LRRC24: variants seen among roughly 807,000 people sequenced by gnomAD.
LRRC24 encodes the protein leucine rich repeat containing 24, also known as leucine-rich repeat-containing protein 24.
In LRRC24, 19 loss-of-function variants were observed where a neutral mutation model predicts 15.3. That is an observed-to-expected ratio of 1.25 (90% CI 0.87 to 1.83). The LOEUF is 1.83. LRRC24 is among the 40% of genes most tolerant of loss of function. The pLI is 0.00. For missense variants in LRRC24, 914 were observed against 723.9 expected (o/e 1.26, Z -3.01); for synonymous variants, 469 against 359.6 (o/e 1.30, Z -3.44).
intron 1 of LRRC24, 138 bp from the exon 2 acceptor site, chr8:144,525,171 G>T: frequency 1.9e-6 from 1 of 519,764 alleles, no homozygotes; most frequent in Non-Finnish European, 3.0e-6. Context: ...TTTCTCCTTT[G>T]ACAAAAACAT....
Position 144,524,920 on chromosome 8 carries a change from G to A in LRRC24, c.55C>T (p.Arg19Cys), listed in dbSNP as rs539958520. 3.3e-5 allele frequency: 50 copies of A among 1,513,628 alleles called. No individual in the cohort carries two copies. The Middle Eastern group carries it at 1.4e-3, about 42-fold the overall frequency. 93.8% of individuals were successfully genotyped at this position (1,513,628 alleles called of 1,614,324 possible). A position where few individuals can be genotyped will look rare whatever the true frequency, so the allele number is the denominator to read the frequency against. Residue 19 changes from arginine to cysteine, a missense_variant, in exon 2 of 5, where the codon CGC (arginine) becomes TGC (cysteine). Physicochemically the swap from Arg to Cys is radical, Grantham distance 180 (BLOSUM62 -3). Transcript: ENST00000529415. ...CAGGCTGCTGGGCAGCCGGCGGCGCGGAGCGGCAGTAGTAGCAGCAGCAGC... is the reference window on the plus strand; with the variant it reads ...CAGGCTGCTGGGCAGCCGGCGGCGCAGAGCGGCAGTAGTAGCAGCAGCAGC... ...LPLLLLLLPL[R>C]AAGCPAACRC... is the part of the protein sequence containing the mutation.
chr8:144,524,932 G>C lies in LRRC24; in HGVS notation c.43C>G (p.Leu15Val). ...CAGCCGGCGGCGCGGAGCGGCAGTA[G>C]TAGCAGCAGCAGCGGCAGCAGTGCG... ...APALLPLLLL[L>V]LPLRAAGCPA... Residue 15 changes from leucine to valine, a missense_variant, in exon 2 of 5, where the codon CTA (leucine) becomes GTA (valine). Physicochemically the swap from Leu to Val is conservative, Grantham distance 32 (BLOSUM62 1). Coordinates refer to ENST00000529415, the MANE Select transcript of LRRC24 (RefSeq NM_001024678.4). 1 of 1,511,790 alleles carries C rather than the reference G, an allele frequency of 6.6e-7. No individual in the cohort carries two copies. Among genetic ancestry groups the C allele is most frequent in the Middle Eastern group, 2.3e-4 (1 of 4,286 alleles). 93.6% of individuals were successfully genotyped at this position (1,511,790 alleles called of 1,614,324 possible).
rs759721869 is a variant in LRRC24 at position 144,523,141 on chromosome 8, G to A, written c.876C>T (p.Thr292=). 12 of 1,610,806 alleles carry A rather than the reference G, an allele frequency of 7.4e-6. No individual in the cohort carries two copies. The highest frequency in any genetic ancestry group is 1.0e-5 in the Non-Finnish European group (12 of 1,179,474). ...QASGYPQPLV[T]WRKVPQPREG... is the part of the protein sequence containing the mutation. ...CGCGAGGCTGGGGCACCTTTCTCCA[G>A]GTCACCAATGGCTGCGGGTAGCCGG... The change falls in exon 5 of 5, where the codon ACC becomes ACT. Residue 292 remains threonine, a synonymous_variant. Coordinates refer to ENST00000529415, the MANE Select transcript of LRRC24 (RefSeq NM_001024678.4).
chr8:144,522,687 G>C lies in LRRC24; in HGVS notation c.1330C>G (p.Leu444Val), dbSNP rs2130786447. Reference protein sequence around the residue: ...KARGPPGEGALFVNDYLDGPC... With the variant: ...KARGPPGEGAVFVNDYLDGPC... Reference sequence around the variant, plus strand: ...CCGTCCAAGTAGTCGTTGACGAACAGCGCTCCCTCCCCCGGAGGCCCCCGC... The same window carrying C: ...CCGTCCAAGTAGTCGTTGACGAACACCGCTCCCTCCCCCGGAGGCCCCCGC... The change falls in exon 5 of 5, where the codon CTG becomes GTG. Residue 444 changes from leucine to valine, a missense_variant. Transcript: ENST00000529415. The C allele has an allele frequency of 6.3e-7, 1 of 1,596,630 alleles. No homozygotes were observed. The highest frequency in any genetic ancestry group is 1.1e-5 in the South Asian group (1 of 88,846).
intron 4 of LRRC24, chr8:144,523,701 G>A: frequency 2.4e-6 from 1 of 423,514 alleles, no homozygotes; most frequent in East Asian, 3.7e-5. Flanking sequence ...AAGTGCCACT[G>A]TTTTTAGGAA....
chr8:144,522,920 C>G lies in LRRC24; in HGVS notation c.1097G>C (p.Arg366Pro). 2 of 1,457,972 alleles carry G rather than the reference C, an allele frequency of 1.4e-6. No homozygotes were observed. The highest frequency in any genetic ancestry group is 1.8e-6 in the Non-Finnish European group (2 of 1,112,862). The allele number at this position is 1,457,972 out of a possible 1,614,324, so 90.3% of individuals were successfully genotyped here. The change falls in exon 5 of 5, where the codon CGG (arginine) becomes CCG (proline). Residue 366 changes from arginine to proline, a missense_variant. Arg to Pro is a moderately radical substitution (Grantham distance 103). Transcript: ENST00000529415. ...TTGCGCGGGCTGCTGCGGCTGCTGC[C>G]GGGACGCGTTGACCAGGAGCCGGAA... The part of the protein sequence containing the change: ...VPFRLLVNAS[R>P]QQPQQPAQPP...
intron 4 of LRRC24, 179 bp downstream of exon 4, chr8:144,523,931 G>T: frequency 2.8e-6 from 2 of 702,532 alleles, no homozygotes; most frequent in Non-Finnish European, 4.8e-6. Context: ...CAGGCAGGGT[G>T]CCTGAGCTGT....
At chr8:144,523,577 G>C in intron 4 of LRRC24, 168 bp from the exon 5 acceptor site, 2 of 1,112,256 alleles carry the variant, frequency 1.8e-6, no homozygotes, top group Non-Finnish European at 2.4e-6. Flanking sequence ...TCCTTGGGGC[G>C]GCAGGCCCTT....
chr8:144,524,613 A>C lies in LRRC24; in HGVS notation c.266T>G (p.Leu89Arg). The C allele has an allele frequency of 6.6e-7, 1 of 1,523,874 alleles. No individual in the cohort carries two copies. Among genetic ancestry groups the C allele is most frequent in the Non-Finnish European group, 8.7e-7 (1 of 1,143,934 alleles). 94.4% of individuals were successfully genotyped at this position (1,523,874 alleles called of 1,614,324 possible). ...CTGCGCGCGGAAGGCGCCGGCCTCC[A>C]GGGCGCGCAGGCTGTTGTTGTGCAG... ...LYLHNNSLRA[L>R]EAGAFRAQPR... The change falls in exon 3 of 5, where the codon CTG becomes CGG. Residue 89 changes from leucine (L) to arginine (R), a missense_variant. Physicochemically the swap from Leu to Arg is moderately radical, Grantham distance 102. Transcript: ENST00000529415.
Position 144,523,062 on chromosome 8 carries a change from C to T in LRRC24, c.955G>A (p.Gly319Arg), listed in dbSNP as rs775173632. The change falls in exon 5 of 5, where the codon GGA (glycine) becomes AGA (arginine). Residue 319 changes from glycine to arginine, a missense_variant. Coordinates refer to ENST00000529415, the MANE Select transcript of LRRC24 (RefSeq NM_001024678.4). ...CTGCCCGTGTCGGATGCCGAGTGTCCGCCCAGGCCCAGCAACCCGCCTTCT... is the reference window on the plus strand; with the variant it reads ...CTGCCCGTGTCGGATGCCGAGTGTCTGCCCAGGCCCAGCAACCCGCCTTCT... ...QLEGGLLGLGGHSASDTGSGM... is the reference protein window; with the variant it reads ...QLEGGLLGLGRHSASDTGSGM... The T allele has an allele frequency of 2.2e-5, 35 of 1,604,068 alleles. No individual in the cohort carries two copies. The highest frequency in any genetic ancestry group is 2.2e-5 in the Non-Finnish European group (26 of 1,177,358).
In LRRC24 at chr8:144,523,322, C is replaced by T; in HGVS notation, c.695G>A (p.Arg232Lys). Residue 232 changes from arginine (R) to lysine (K), a missense_variant, in exon 5 of 5, where the codon AGG becomes AAG. Arg to Lys is a conservative substitution (Grantham distance 26). Coordinates refer to ENST00000529415, the MANE Select transcript of LRRC24 (RefSeq NM_001024678.4). Reference sequence around the variant, plus strand: ...CGGGGGCTCTGCACACATGATCTTCCTGTCCCTGGAGGTGAGCAGCCGCTG... The same window carrying T: ...CGGGGGCTCTGCACACATGATCTTCTTGTCCCTGGAGGTGAGCAGCCGCTG... ...GGQRLLTSRD[R>K]KIMCAEPPRL... 6.2e-7 allele frequency: 1 copy of T among 1,608,180 alleles called. No homozygotes were observed. Among genetic ancestry groups the T allele is most frequent in the Non-Finnish European group, 8.5e-7 (1 of 1,177,034 alleles).
At position 144,522,591 on chromosome 8, in the gene LRRC24, A is replaced by G. The variant is rs774507639; in HGVS notation, c.1426T>C (p.Ser476Pro). Reference protein sequence around the residue: ...RGHEMFVINRSKPLFAEGPAE... With the variant: ...RGHEMFVINRPKPLFAEGPAE... Reference sequence around the variant, plus strand: ...GGACCCTCGGCGAAGAGCGGCTTGGAGCGGTTGATGACGAACATCTCGTGG... The same window carrying G: ...GGACCCTCGGCGAAGAGCGGCTTGGGGCGGTTGATGACGAACATCTCGTGG... Residue 476 changes from serine to proline, a missense_variant, in exon 5 of 5, where the codon TCC becomes CCC. By Grantham distance (74) the Ser-to-Pro change is moderately conservative. Coordinates refer to ENST00000529415, the MANE Select transcript of LRRC24 (RefSeq NM_001024678.4). 1.7e-5 allele frequency: 26 copies of G among 1,561,988 alleles called. No individual in the cohort carries two copies. The highest frequency in any genetic ancestry group is 1.8e-5 in the Non-Finnish European group (21 of 1,156,940).
chr8:144,522,492 A>G lies in LRRC24; in HGVS notation c.1525T>C (p.Tyr509His). The G allele has an allele frequency of 2.0e-6, 3 of 1,493,884 alleles. No individual in the cohort carries two copies. Among genetic ancestry groups the G allele is most frequent in the Non-Finnish European group, 2.7e-6 (3 of 1,128,572 alleles). 92.5% of individuals were successfully genotyped at this position (1,493,884 alleles called of 1,614,324 possible). Residue 509 changes from tyrosine (Y) to histidine (H), a missense_variant, in exon 5 of 5, where the codon TAC (tyrosine) becomes CAC (histidine). Tyr to His is a moderately conservative substitution (Grantham distance 83). Transcript: ENST00000529415. ...CCGCGGCCCTAGCAGTGGATCTCGT[A>G]GGCGACCGGCGGGGGCACGCGGAGT... is the stretch of plus-strand genomic sequence containing the variant. ...PGLRVPPPVA[Y>H]EIHC
At chr8:144,526,080 G>T (rs1586858299) in intron 1 of LRRC24, 1 of 152,190 alleles carries the variant, frequency 6.6e-6, no homozygotes. Context: ...CATCTGGCCG[G>T]CCTCCCCAAA....
At chr8:144,523,863 G>A (rs1816235008) in intron 4 of LRRC24, 3 of 545,468 alleles carry the variant, frequency 5.5e-6, no homozygotes, top group Admixed American at 6.8e-5. Flanking sequence ...GCCTAAAAGT[G>A]TGCAGAACCC....
In LRRC24 at chr8:144,524,951, C is replaced by A; in HGVS notation, c.24G>T (p.Leu8=). 6.7e-7 allele frequency: 1 copy of A among 1,502,412 alleles called. No individual in the cohort carries two copies. 93.1% of individuals were successfully genotyped at this position (1,502,412 alleles called of 1,614,324 possible). A position where few individuals can be genotyped will look rare whatever the true frequency, so the allele number is the denominator to read the frequency against. Residue 8 remains leucine, a synonymous_variant, in exon 2 of 5, where the codon CTG becomes CTT. Coordinates refer to ENST00000529415, the MANE Select transcript of LRRC24 (RefSeq NM_001024678.4). The part of the protein sequence containing the change: MALRAPA[L]LPLLLLLLPL... ...GCAGTAGTAGCAGCAGCAGCGGCAG[C>A]AGTGCGGGGGCCCTCAGGGCCATCT...
In LRRC24 at chr8:144,524,466, A is replaced by G; in HGVS notation, c.413T>C (p.Leu138Pro). 1 of 1,597,824 alleles carries G rather than the reference A, an allele frequency of 6.3e-7. No homozygotes were observed. The highest frequency in any genetic ancestry group is 8.5e-7 in the Non-Finnish European group (1 of 1,179,808). Residue 138 changes from leucine to proline, a missense_variant, in exon 3 of 5, where the codon CTG becomes CCG. Physicochemically the swap from Leu to Pro is moderately conservative, Grantham distance 98. Transcript: ENST00000529415. ...YLAGNQLARLLDFTFLHLPRL... is the reference protein window; with the variant it reads ...YLAGNQLARLPDFTFLHLPRL... ...CGGCAGGTGCAAGAAGGTGAAATCCAGCAGCCGCGCCAGCTGGTTGCCCGC... is the reference window on the plus strand; with the variant it reads ...CGGCAGGTGCAAGAAGGTGAAATCCGGCAGCCGCGCCAGCTGGTTGCCCGC...
rs773987852 is a variant in LRRC24 at position 144,524,253 on chromosome 8, T to A, written c.464A>T (p.Glu155Val). ...LPRLQELHLQ[E>V]NSIELLEDQA... ...GTCCTCCAGCAGCTCAATGCTGTTTTCTTGCAGGTGAAGCTCCTGCAGTCG... is the reference window on the plus strand; with the variant it reads ...GTCCTCCAGCAGCTCAATGCTGTTTACTTGCAGGTGAAGCTCCTGCAGTCG... Residue 155 changes from glutamate to valine, a missense_variant, in exon 4 of 5, where the codon GAA (glutamate) becomes GTA (valine). Glu to Val is a moderately radical substitution (Grantham distance 121). Transcript: ENST00000529415. The A allele has an allele frequency of 6.2e-7, 1 of 1,612,372 alleles. No individual in the cohort carries two copies. Among genetic ancestry groups the A allele is most frequent in the African/African-American group, 1.3e-5 (1 of 74,932 alleles).
At chr8:144,526,156 T>G (rs182482866) in intron 1 of LRRC24, 4 of 152,356 alleles carry the variant, frequency 2.6e-5, no homozygotes, top group East Asian at 1.9e-4. Context: ...CCAAGTGGCC[T>G]TGGTGTTTAA....
Sources: gnomAD v4.1 joint callset for allele counts on GRCh38, gnomAD v4.1.1 for gene constraint, MANE v1.5 for transcripts, NCBI Gene and HGNC (gene_info 2026-07-23, HGNC 2026-07-21) for gene names.